RALGAPA1: variants seen among roughly 807,000 people sequenced by gnomAD.
The protein encoded by RALGAPA1 is Ral GTPase activating protein catalytic subunit alpha 1, also known as ral GTPase-activating protein subunit alpha-1.
A neutral mutation model predicts 269.6 loss-of-function variants in RALGAPA1; 52 were observed. That is an observed-to-expected ratio of 0.19 (90% CI 0.15 to 0.24). The LOEUF (loss-of-function observed/expected upper bound fraction) is 0.24. Ranked by LOEUF, RALGAPA1 falls within the 10% of genes least tolerant of loss-of-function variation. The pLI, the probability that RALGAPA1 is intolerant of heterozygous loss-of-function variation, is 1.00. For synonymous variants in RALGAPA1, 817 were observed against 1,008.3 expected, an observed-to-expected ratio of 0.81 and a Z score of 3.60; for missense variants, 1,917 against 3,013.9, an observed-to-expected ratio of 0.64 and a Z score of 8.52.
rs1358184264 is a variant in RALGAPA1, at chr14:35,739,739, ATCAGGTACTTATCATC to A, written c.1450-1105_1450-1090del. On this transcript the variant is annotated intron_variant, in intron 11 of 41. Transcript: ENST00000680220. ...TCCACTGCAACTACCGCTGTCCTAGATCAGGTACTTATCATCTCACTTCCAAACTTTGCTAATCCTT... is the reference window on the plus strand; with the variant it reads ...TCCACTGCAACTACCGCTGTCCTAGATCACTTCCAAACTTTGCTAATCCTT... 2.6e-5 allele frequency among the ~76,000 whole-genome samples: 4 copies of A among 152,064 alleles called. No homozygotes were observed. In the South Asian group the frequency reaches 8.3e-4, roughly 32 times the overall value.
intron 4 of RALGAPA1, chr14:35,766,692 TA>T: frequency 1.6e-6 from 1 of 610,592 alleles, no homozygotes; most frequent in South Asian, 1.4e-5. Flanking sequence ...CTTGTTAAAA[TA>T]AAAATATGAA....
intron 1 of RALGAPA1, among the ~76,000 whole-genome samples, chr14:35,778,753 C>T (rs1193592390): frequency 6.6e-6 from 1 of 152,194 alleles, no homozygotes; most frequent in East Asian, 1.9e-4. Context: ...TTAGAATACC[C>T]AGATTTCACT....
At chr14:35,766,112 T>G in intron 4 of RALGAPA1, 6 of 1,047,412 alleles carry the variant, frequency 5.7e-6, no homozygotes, top group Non-Finnish European at 9.0e-6. Flanking sequence ...GATCAGATAC[T>G]GGAGGGCTGA....
chr14:35,587,063 T>C (rs1420230285), intron 37 of RALGAPA1, among the ~76,000 whole-genome samples: 2 of 152,222 alleles, frequency 1.3e-5, no homozygotes, highest in African/African-American at 4.8e-5. Flanking sequence ...GTACCTCTGG[T>C]AGAATTCGGC....
At chr14:35,550,148 C>T (rs1000099495) in intron 39 of RALGAPA1, among the ~76,000 whole-genome samples, 4 of 152,116 alleles carry the variant, frequency 2.6e-5, no homozygotes, top group African/African-American at 7.2e-5. Context: ...CTGTTGTTCA[C>T]GAAAGCAACT....
rs1567267240 is a variant in RALGAPA1, at chr14:35,803,036, GA to G, written c.106+5693del. On this transcript the variant is annotated intron_variant, in intron 1 of 41. Transcript: ENST00000680220. ...GAAATGTAAAGGACCTGGCATTTGG[GA>G]AAAAAAGAAACTTTGAAAAGGAAGA... 4.6e-5 allele frequency among the ~76,000 whole-genome samples: 7 copies of G among 151,930 alleles called. No individual in the cohort carries two copies. In the South Asian group the frequency reaches 1.5e-3, roughly 32 times the overall value.
chr14:35,660,736 A>G (rs1053987354), intron 27 of RALGAPA1, among the ~76,000 whole-genome samples: 4 of 152,132 alleles, frequency 2.6e-5, no homozygotes, highest in Non-Finnish European at 5.9e-5. Context: ...AAAATGTGAC[A>G]CACCCACACA....
chr14:35,606,136 C>T (rs767127764), intron 35 of RALGAPA1, among the ~76,000 whole-genome samples: 17 of 152,164 alleles, frequency 1.1e-4, no homozygotes, highest in Non-Finnish European at 2.2e-4. Context: ...AGAAAGGACC[C>T]AATCCTTCAA....
chr14:35,727,591 T>C (rs947528934), intron 13 of RALGAPA1, among the ~76,000 whole-genome samples: 7 of 151,970 alleles, frequency 4.6e-5, no homozygotes, highest in African/African-American at 1.7e-4. Context: ...TGATATATAA[T>C]GTACTATACT....
chr14:35,791,796 C>T (rs1333314591), intron 1 of RALGAPA1, among the ~76,000 whole-genome samples: 11 of 149,762 alleles, frequency 7.3e-5, no homozygotes, highest in Admixed American at 6.7e-4. Flanking sequence ...GTCCCAGCTA[C>T]TCAGGAGGCT....
intron 35 of RALGAPA1, among the ~76,000 whole-genome samples, chr14:35,614,036 T>C (rs1384381053): frequency 1.3e-5 from 2 of 152,142 alleles, no homozygotes; most frequent in Non-Finnish European, 2.9e-5. Context: ...AGATTCCACT[T>C]TATATCCACT....
intron 31 of RALGAPA1, among the ~76,000 whole-genome samples, chr14:35,651,039 G>A (rs2062799322): frequency 6.6e-6 from 1 of 152,004 alleles, no homozygotes; most frequent in Admixed American, 6.6e-5. Flanking sequence ...CCGACCTAGA[G>A]TCTCTACAAC....
chr14:35,691,378 A>C (rs1469351663), intron 17 of RALGAPA1, among the ~76,000 whole-genome samples: 1 of 151,090 alleles, frequency 6.6e-6, no homozygotes, highest in Non-Finnish European at 1.5e-5. Flanking sequence ...TAGAAATAAC[A>C]AAAAAAAATT....
At chr14:35,639,591 A>G (rs922900962) in intron 31 of RALGAPA1, among the ~76,000 whole-genome samples, 1 of 152,210 alleles carries the variant, frequency 6.6e-6, no homozygotes, top group African/African-American at 2.4e-5. Flanking sequence ...CCAATGGAAT[A>G]AAACTAGAAA....
chr14:35,702,654 A>G (rs1194278328), intron 16 of RALGAPA1, among the ~76,000 whole-genome samples: 1 of 151,856 alleles, frequency 6.6e-6, no homozygotes, highest in Non-Finnish European at 1.5e-5. Context: ...TACATATGCA[A>G]ATCTTAAAGT....
intron 35 of RALGAPA1, among the ~76,000 whole-genome samples, chr14:35,612,683 C>T (rs1395747776): frequency 2.6e-5 from 4 of 151,668 alleles, no homozygotes; most frequent in South Asian, 2.1e-4. Context: ...GGACTACAGG[C>T]GCCCGCCACC....
chr14:35,803,746 T>C (rs2077147184), intron 1 of RALGAPA1, among the ~76,000 whole-genome samples: 1 of 151,480 alleles, frequency 6.6e-6, no homozygotes, highest in Non-Finnish European at 1.5e-5. Context: ...AATTCTCCCA[T>C]CTCAGCCTCC....
chr14:35,760,123 C>T (rs1036296853), intron 6 of RALGAPA1, among the ~76,000 whole-genome samples: 2 of 152,074 alleles, frequency 1.3e-5, no homozygotes, highest in African/African-American at 4.8e-5. Flanking sequence ...CTTCAATGTA[C>T]ATCCAAATTA....
At chr14:35,737,759 CAAAAAAAAAAAAAAAAAAAAAAAA>C (rs60152249) in intron 12 of RALGAPA1, among the ~76,000 whole-genome samples, 6 of 17,420 alleles carry the variant, frequency 3.4e-4, no homozygotes, top group Admixed American at 2.8e-3. Context: ...AAATCCATCT[CAAAAAAAAAAAAAAAAAAAAAAAA>C]AAAAAAAAAA....
Sources: gnomAD v4.1 joint callset for allele counts (sites outside exome capture counted in the v4.1 genomes callset) on GRCh38, gnomAD v4.1.1 for gene constraint, MANE v1.5 for transcripts, NCBI Gene and HGNC (gene_info 2026-07-23, HGNC 2026-07-21) for gene names.